ADGRL3: variants seen among roughly 807,000 people sequenced by gnomAD.
ADGRL3 encodes adhesion G protein-coupled receptor L3.
Under a neutral mutation model 153.5 loss-of-function variants are expected in ADGRL3, and 62 were observed. The ratio of observed to expected loss-of-function variants is 0.40; its 90% confidence interval spans 0.33 to 0.50. The LOEUF is 0.50. Ranked by LOEUF, ADGRL3 falls within the 20% of genes least tolerant of loss-of-function variation. The pLI is 0.47. For missense variants in ADGRL3, 1,641 were observed against 1,859.4 expected (o/e 0.88, Z 2.16); for synonymous variants, 710 against 672.5 (o/e 1.06, Z -0.86).
At chr4:61,986,001 T>G (rs889054977) in intron 19 of ADGRL3, among the ~76,000 whole-genome samples, 7 of 151,490 alleles carry the variant, frequency 4.6e-5, no homozygotes, top group Non-Finnish European at 7.4e-5. Context: ...GTTTTTTTTT[T>G]TAAATAACAT....
chr4:61,215,435 G>A (rs940567924), intron 1 of ADGRL3, among the ~76,000 whole-genome samples: 7 of 152,008 alleles, frequency 4.6e-5, no homozygotes, highest in African/African-American at 1.4e-4. Flanking sequence ...TTGAAAGCCA[G>A]ACTCTCCTGG....
chr4:61,787,361 T>C (rs2097289010), intron 8 of ADGRL3, among the ~76,000 whole-genome samples: 2 of 152,044 alleles, frequency 1.3e-5, no homozygotes, highest in African/African-American at 4.8e-5. Context: ...AGTCATACTT[T>C]TTTTTTAAAA....
chr4:61,795,637 C>T (rs985904225), intron 8 of ADGRL3, among the ~76,000 whole-genome samples: 1 of 152,134 alleles, frequency 6.6e-6, no homozygotes, highest in East Asian at 1.9e-4. Flanking sequence ...CTACCGTCTG[C>T]AAATGAATAC....
chr4:61,653,237 A>G (rs570278632), intron 5 of ADGRL3, among the ~76,000 whole-genome samples: 1 of 151,586 alleles, frequency 6.6e-6, no homozygotes, highest in Non-Finnish European at 1.5e-5. Flanking sequence ...GAAAGAATGC[A>G]ACTGTTTGCA....
At chr4:61,440,151 C>T (rs1273569727) in intron 2 of ADGRL3, among the ~76,000 whole-genome samples, 5 of 152,072 alleles carry the variant, frequency 3.3e-5, no homozygotes, top group Non-Finnish European at 4.4e-5. Context: ...CAGGTTCAAG[C>T]GATTCTCCCA....
At chr4:61,808,797 T>C (rs578032929) in intron 8 of ADGRL3, among the ~76,000 whole-genome samples, 1 of 151,960 alleles carries the variant, frequency 6.6e-6, no homozygotes, top group African/African-American at 2.4e-5. Context: ...TCGGGCTTTT[T>C]TTTTTTTTTT....
intron 13 of ADGRL3, among the ~76,000 whole-genome samples, chr4:61,922,756 T>C (rs10023425): frequency 0.68 from 103,201 of 152,048 alleles, 35,569 homozygotes; most frequent in Non-Finnish European, 0.72. Flanking sequence ...CTGTTTCAGG[T>C]GCAGGGATTC....
chr4:61,837,212 G>A (rs1344918850), intron 9 of ADGRL3, among the ~76,000 whole-genome samples: 1 of 152,072 alleles, frequency 6.6e-6, no homozygotes, highest in Non-Finnish European at 1.5e-5. Flanking sequence ...CTGTGCCAGG[G>A]AGGAAAAACT....
At chr4:61,711,458 TTATATATA>T (rs1167827672) in intron 6 of ADGRL3, among the ~76,000 whole-genome samples, 417 of 34,668 alleles carry the variant, frequency 0.012, 19 homozygotes, top group African/African-American at 0.016. Flanking sequence ...ATATGCTTCA[TTATATATA>T]TATATATATA....
intron 4 of ADGRL3, among the ~76,000 whole-genome samples, chr4:61,573,352 A>G (rs2098846865): frequency 2.0e-5 from 3 of 151,966 alleles, no homozygotes; most frequent in Admixed American, 1.3e-4. Flanking sequence ...ATCTGCATTC[A>G]TCTTAACCAT....
intron 9 of ADGRL3, among the ~76,000 whole-genome samples, chr4:61,861,519 C>G (rs1561375779): frequency 6.6e-6 from 1 of 151,878 alleles, no homozygotes; most frequent in African/African-American, 2.4e-5. Context: ...AAAGATGATA[C>G]CTTTTGGATT....
intron 1 of ADGRL3, among the ~76,000 whole-genome samples, chr4:61,325,104 G>A (rs2095438533): frequency 6.6e-6 from 1 of 152,082 alleles, no homozygotes; most frequent in South Asian, 2.1e-4. Context: ...ACGAGGTCAG[G>A]AGATCGAGAC....
At chr4:61,293,044 T>A (rs2094283208) in intron 1 of ADGRL3, among the ~76,000 whole-genome samples, 1 of 152,146 alleles carries the variant, frequency 6.6e-6, no homozygotes, top group Non-Finnish European at 1.5e-5. Flanking sequence ...CACCTATAGC[T>A]AGTTATCAAA....
At chr4:61,323,766 C>T (rs2095411980) in intron 1 of ADGRL3, among the ~76,000 whole-genome samples, 1 of 152,156 alleles carries the variant, frequency 6.6e-6, no homozygotes. Flanking sequence ...CTACATTTTC[C>T]TGCTTTCTTC....
At chr4:61,398,709 C>T (rs2096896070) in intron 2 of ADGRL3, among the ~76,000 whole-genome samples, 2 of 151,546 alleles carry the variant, frequency 1.3e-5, no homozygotes, top group Non-Finnish European at 3.0e-5. Context: ...TCTCTCTTCT[C>T]TCTCTCTCTC....
At chr4:61,428,923 A>ATCTT (rs1214963649) in intron 2 of ADGRL3, among the ~76,000 whole-genome samples, 1 of 146,410 alleles carries the variant, frequency 6.8e-6, no homozygotes, top group Non-Finnish European at 1.5e-5. Context: ...CTATCTATCT[A>ATCTT]TCTATCTATC....
chr4:62,059,926 C>G (rs1322910108), intron 25 of ADGRL3, among the ~76,000 whole-genome samples: 1 of 152,058 alleles, frequency 6.6e-6, no homozygotes, highest in Non-Finnish European at 1.5e-5. Context: ...TTAGAAAACA[C>G]CTACACAAAA....
At chr4:61,855,960 G>T (rs896666604) in intron 9 of ADGRL3, among the ~76,000 whole-genome samples, 1 of 152,118 alleles carries the variant, frequency 6.6e-6, no homozygotes, top group Non-Finnish European at 1.5e-5. Flanking sequence ...GACAATAGGA[G>T]ACAGTTGAAA....
intron 5 of ADGRL3, among the ~76,000 whole-genome samples, chr4:61,593,224 CTA>C (rs1357389039): frequency 1.3e-5 from 2 of 152,134 alleles, no homozygotes; most frequent in Non-Finnish European, 1.5e-5. Context: ...AAAAGTTGCT[CTA>C]GTTATTATTT....
Sources: allele counts gnomAD v4.1 joint callset (sites outside exome capture counted in the v4.1 genomes callset), GRCh38; gene constraint gnomAD v4.1.1; transcripts MANE v1.5; gene names NCBI Gene and HGNC (gene_info 2026-07-23, HGNC 2026-07-21).